TENM2: variants seen among roughly 807,000 people sequenced by gnomAD.
TENM2 encodes teneurin-2.
In TENM2, 52 loss-of-function variants were observed where a neutral mutation model predicts 245.2. The ratio of observed to expected loss-of-function variants is 0.21; its 90% confidence interval spans 0.17 to 0.27. TENM2 has a LOEUF of 0.27. Ranked by LOEUF, TENM2 falls within the 10% of genes least tolerant of loss-of-function variation. The pLI is 1.00. For missense variants in TENM2, 3,046 were observed against 3,666.8 expected, an observed-to-expected ratio of 0.83 and a Z score of 4.37; for synonymous variants, 1,363 against 1,438.9, an observed-to-expected ratio of 0.95 and a Z score of 1.19.
the TENM2 span, among the ~76,000 whole-genome samples, chr5:167,068,839 G>A: frequency 6.6e-6 from 1 of 152,144 alleles, no homozygotes; most frequent in African/African-American, 2.4e-5. Context: ...GCCTCATTAT[G>A]AAATTTCTGT....
At chr5:167,002,714 A>G in the TENM2 span, among the ~76,000 whole-genome samples, 2 of 151,978 alleles carry the variant, frequency 1.3e-5, no homozygotes, top group African/African-American at 4.8e-5. Context: ...TCAAGTCTGC[A>G]ATGAGCTATG....
At chr5:167,215,566 G>A in the TENM2 span, among the ~76,000 whole-genome samples, 2 of 152,266 alleles carry the variant, frequency 1.3e-5, no homozygotes, top group African/African-American at 4.8e-5. Context: ...TCTGGAGGAA[G>A]AGTTTAGGAA....
chr5:167,329,292 T>C (rs1212414132), intron 1 of TENM2, among the ~76,000 whole-genome samples: 1 of 151,560 alleles, frequency 6.6e-6, no homozygotes, highest in Admixed American at 6.6e-5. Flanking sequence ...ACGCCTGTAA[T>C]CTCAGCACTT....
intron 25 of TENM2, among the ~76,000 whole-genome samples, chr5:168,238,295 AAAAG>A (rs1204686913): frequency 4.0e-5 from 6 of 150,622 alleles, no homozygotes; most frequent in East Asian, 1.9e-4. Flanking sequence ...AAAAGAAAAG[AAAAG>A]AAAAAATCCC....
the TENM2 span, among the ~76,000 whole-genome samples, chr5:167,109,892 T>C: frequency 2.0e-5 from 3 of 152,224 alleles, no homozygotes; most frequent in Non-Finnish European, 4.4e-5. Context: ...AGAAATCTTT[T>C]GGCTGGAAGA....
chr5:167,592,455 A>G (rs1467083157), intron 2 of TENM2, among the ~76,000 whole-genome samples: 1 of 152,180 alleles, frequency 6.6e-6, no homozygotes, highest in Non-Finnish European at 1.5e-5. Flanking sequence ...TATTTATAGG[A>G]TGCAACTTAA....
chr5:167,434,917 G>A (rs1427026450), intron 2 of TENM2, among the ~76,000 whole-genome samples: 1 of 152,146 alleles, frequency 6.6e-6, no homozygotes, highest in Non-Finnish European at 1.5e-5. Context: ...ATTAGTTATT[G>A]AGTTGAATAT....
the TENM2 span, among the ~76,000 whole-genome samples, chr5:167,032,766 T>C: frequency 6.6e-6 from 1 of 152,184 alleles, no homozygotes; most frequent in Admixed American, 6.5e-5. Context: ...TATTCTTGTT[T>C]TTCTTTTTGC....
the TENM2 span, among the ~76,000 whole-genome samples, chr5:167,203,082 A>G: frequency 6.6e-6 from 1 of 152,198 alleles, no homozygotes; most frequent in African/African-American, 2.4e-5. Flanking sequence ...AATGCAGAAC[A>G]CATATTCTTG....
At chr5:167,851,652 T>C (rs1770591532) in intron 2 of TENM2, among the ~76,000 whole-genome samples, 1 of 152,180 alleles carries the variant, frequency 6.6e-6, no homozygotes, top group African/African-American at 2.4e-5. Flanking sequence ...CATTCCTGTC[T>C]TTGTGGGAAA....
intron 9 of TENM2, among the ~76,000 whole-genome samples, chr5:168,108,344 T>C (rs1401827524): frequency 1.3e-5 from 2 of 152,226 alleles, no homozygotes; most frequent in Non-Finnish European, 2.9e-5. Flanking sequence ...TTTGCTAGGT[T>C]TGAATTATTG....
chr5:167,017,547 C>A, the TENM2 span, among the ~76,000 whole-genome samples: 2 of 152,174 alleles, frequency 1.3e-5, no homozygotes, highest in African/African-American at 4.8e-5. Flanking sequence ...TGGGGTGGGC[C>A]ATGGGCTCTA....
chr5:167,997,207 C>T (rs1784115562), intron 5 of TENM2, among the ~76,000 whole-genome samples: 1 of 152,186 alleles, frequency 6.6e-6, no homozygotes, highest in Non-Finnish European at 1.5e-5. Context: ...GCAGGGCGAG[C>T]ACTAGGCCCT....
intron 2 of TENM2, among the ~76,000 whole-genome samples, chr5:167,708,217 C>T (rs963453112): frequency 7.4e-5 from 11 of 149,154 alleles, no homozygotes; most frequent in East Asian, 2.1e-4. Context: ...GTGTATGCTA[C>T]GGGGAAGAAA....
At chr5:167,296,321 A>T (rs1359544706) in intron 1 of TENM2, 1 of 152,192 alleles carries the variant, frequency 6.6e-6, no homozygotes, top group Non-Finnish European at 1.5e-5. Context: ...TCAAATTCCC[A>T]CATGTCCACT....
intron 5 of TENM2, among the ~76,000 whole-genome samples, chr5:167,995,973 A>G (rs183043142): frequency 7.9e-4 from 120 of 152,222 alleles, no homozygotes; most frequent in Non-Finnish European, 1.4e-3. Flanking sequence ...TGGTTCACAC[A>G]TGACTCTGCA....
At chr5:168,017,440 A>G (rs1217616402) in intron 5 of TENM2, among the ~76,000 whole-genome samples, 1 of 152,176 alleles carries the variant, frequency 6.6e-6, no homozygotes, top group Non-Finnish European at 1.5e-5. Context: ...TTCGTGACAG[A>G]CCATTGAGAA....
At chr5:167,441,913 G>A (rs1246525457) in intron 2 of TENM2, among the ~76,000 whole-genome samples, 1 of 152,126 alleles carries the variant, frequency 6.6e-6, no homozygotes. Flanking sequence ...CTAGAATCTG[G>A]TGTCTTCTTT....
the TENM2 span, among the ~76,000 whole-genome samples, chr5:167,205,270 A>C: frequency 6.6e-6 from 1 of 152,086 alleles, no homozygotes; most frequent in Non-Finnish European, 1.5e-5. Context: ...AGTCTCAGCT[A>C]CTCGAGAGGC....
Sources: allele counts gnomAD v4.1 joint callset (sites outside exome capture counted in the v4.1 genomes callset), GRCh38; gene constraint gnomAD v4.1.1; transcripts MANE v1.5; gene names NCBI Gene and HGNC (gene_info 2026-07-23, HGNC 2026-07-21).